Variants in CCDC141 observed in about 807,000 individuals in gnomAD.
CCDC141 encodes the protein coiled-coil domain-containing protein 141.
In CCDC141, 168 loss-of-function variants were observed where a neutral mutation model predicts 181.0. The ratio of observed to expected loss-of-function variants is 0.93; its 90% CI spans 0.82 to 1.05. The LOEUF (loss-of-function observed/expected upper bound fraction) is 1.05, where lower values mean the gene tolerates loss of function less well. Among genes scored for constraint, CCDC141 ranks in the 50% least tolerant of loss-of-function variants. The pLI is 0.00. For synonymous variants in CCDC141, 666 were observed against 642.3 expected, an observed-to-expected ratio of 1.04 and a Z score of -0.56; for missense variants, 1,902 against 1,788.5, an observed-to-expected ratio of 1.06 and a Z score of -1.14.
chr2:178,837,032 G>C lies in CCDC141; in HGVS notation c.4187C>G (p.Ser1396Ter). Residue 1396 changes from serine (S) to a stop codon, truncating the protein, a stop_gained, in exon 23 of 24, where the codon TCA becomes TGA. Coordinates refer to ENST00000443758, the MANE Select transcript of CCDC141 (RefSeq NM_173648.4). LOFTEE classifies it high-confidence loss of function. ...MVPREEIKST[S>*]AKSSVVSLAD... is the part of the protein sequence containing the mutation. The stretch of plus-strand genomic sequence containing the variant: ...TAGGCTGACCACGCTGCTCTTTGCT[G>C]ATGTGCTTTTAATCTCTTCTCGAGG... 1 of 1,614,006 alleles carries C rather than the reference G, an allele frequency of 6.2e-7. No individual in the cohort carries two copies. Among genetic ancestry groups the C allele is most frequent in the Non-Finnish European group, 8.5e-7 (1 of 1,179,966 alleles).
intron 17 of CCDC141, among the ~76,000 whole-genome samples, chr2:178,856,898 C>T (rs1685413595): frequency 6.6e-6 from 1 of 152,036 alleles, no homozygotes; most frequent in African/African-American, 2.4e-5. Flanking sequence ...GAGTGATTTT[C>T]ATTATAAAAC....
Position 179,049,345 on chromosome 2 carries a change from C to T in CCDC141, c.102+495G>A, listed in dbSNP as rs565236721. On this transcript the variant is annotated intron_variant, in intron 1 of 23. Transcript: ENST00000443758. ...AACCAGTGTGGCAAAGGGCACATGT[C>T]GGAGCCCTTTACTTGGTGTTTTCTG... Among the ~76,000 whole-genome samples, 15 of 152,228 alleles carry T rather than the reference C, an allele frequency of 9.9e-5. No individual in the cohort carries two copies. The South Asian group carries it at 2.3e-3, about 23-fold the overall frequency.
At chr2:178,899,650 A>G (rs939047407) in intron 8 of CCDC141, among the ~76,000 whole-genome samples, 6 of 151,918 alleles carry the variant, frequency 3.9e-5, no homozygotes, top group Admixed American at 2.0e-4. Flanking sequence ...GGTGTCTGGT[A>G]ATAGGAACCT....
At chr2:179,027,411 G>C (rs929534676) in intron 2 of CCDC141, among the ~76,000 whole-genome samples, 23 of 152,040 alleles carry the variant, frequency 1.5e-4, no homozygotes, top group African/African-American at 5.3e-4. Flanking sequence ...TTGGGAGGCT[G>C]AGGCGGGCGG....
At position 179,015,241 on chromosome 2, in the gene CCDC141, TCTC is replaced by T. The variant is rs2042436260; in HGVS notation, c.225+32040_225+32042del. On this transcript the variant is annotated intron_variant, in intron 2 of 23. Coordinates refer to ENST00000443758, the MANE Select transcript of CCDC141 (RefSeq NM_173648.4). ...ATCTCATATATACCTCATATATATA[TCTC>T]ATATATATCTCATATATATCATATA... is the stretch of plus-strand genomic sequence containing the variant. 8.4e-5 allele frequency among the ~76,000 whole-genome samples: 11 copies of T among 131,634 alleles called. No homozygotes were observed. The Admixed American group carries it at 8.7e-4, about 10-fold the overall frequency. The allele number at this position is 131,634 out of a possible 152,430, so 86.4% of individuals were successfully genotyped here.
At chr2:178,932,184 C>A (rs1226379741) in intron 6 of CCDC141, among the ~76,000 whole-genome samples, 2 of 152,030 alleles carry the variant, frequency 1.3e-5, no homozygotes, top group African/African-American at 4.8e-5. Context: ...AACAAAAAAA[C>A]ACACACACAT....
chr2:178,939,546 G>C (rs936089120), intron 6 of CCDC141, among the ~76,000 whole-genome samples: 1 of 152,010 alleles, frequency 6.6e-6, no homozygotes, highest in Non-Finnish European at 1.5e-5. Context: ...CAGTAAGAGA[G>C]AAAAAACAGG....
chr2:178,938,254 C>T (rs1689368331), intron 6 of CCDC141, among the ~76,000 whole-genome samples: 2 of 152,174 alleles, frequency 1.3e-5, no homozygotes, highest in Non-Finnish European at 2.9e-5. Flanking sequence ...TCCCTCTTCA[C>T]ACTGCCTTAG....
At chr2:178,871,223 C>T (rs1239628350) in intron 14 of CCDC141, among the ~76,000 whole-genome samples, 1 of 152,036 alleles carries the variant, frequency 6.6e-6, no homozygotes, top group Non-Finnish European at 1.5e-5. Context: ...CATTGTATAG[C>T]CCTAATGCTG....
At chr2:178,819,833 T>A in the CCDC141 span, among the ~76,000 whole-genome samples, 3 of 152,124 alleles carry the variant, frequency 2.0e-5, no homozygotes, top group East Asian at 5.8e-4. Context: ...ATTTTCCTCA[T>A]ATTTAAATAA....
At chr2:179,013,960 C>CAAAAAAAAAAAAA (rs59851189) in intron 2 of CCDC141, among the ~76,000 whole-genome samples, 6 of 46,858 alleles carry the variant, frequency 1.3e-4, no homozygotes, top group African/African-American at 6.0e-4. Flanking sequence ...GACTCCATCT[C>CAAAAAAAAAAAAA]AAAAAAAAAA....
chr2:178,943,206 A>T (rs946125774), intron 6 of CCDC141, among the ~76,000 whole-genome samples: 1 of 152,224 alleles, frequency 6.6e-6, no homozygotes, highest in African/African-American at 2.4e-5. Context: ...AGTTTGATAC[A>T]AACAGAATAA....
At chr2:178,903,568 G>A (rs931033936) in intron 8 of CCDC141, among the ~76,000 whole-genome samples, 1 of 128,336 alleles carries the variant, frequency 7.8e-6, no homozygotes, top group South Asian at 2.7e-4. Flanking sequence ...AGAACACATG[G>A]ACACAGGAAG....
At chr2:178,970,348 T>C (rs1254722880) in intron 4 of CCDC141, among the ~76,000 whole-genome samples, 1 of 152,162 alleles carries the variant, frequency 6.6e-6, no homozygotes, top group Non-Finnish European at 1.5e-5. Context: ...GCTGGAGGCA[T>C]CCCACTACCT....
chr2:178,913,637 C>A (rs967934785), intron 7 of CCDC141, among the ~76,000 whole-genome samples: 1 of 152,160 alleles, frequency 6.6e-6, no homozygotes, highest in African/African-American at 2.4e-5. Context: ...CTTGAAAAAG[C>A]AACATCATCT....
rs974496212 is a variant in CCDC141, at chr2:178,907,498, T to C, written c.1093-1997A>G. Among the ~76,000 whole-genome samples, 14 of 152,348 alleles carry C rather than the reference T, an allele frequency of 9.2e-5. No individual in the cohort carries two copies. The Middle Eastern group carries it at 0.01, about 111-fold the overall frequency. ...AAGGAGGGATTTTAAAACTTACTTTTTGTAAATATGTCTCTGCCTTTCCTT... is the reference window on the plus strand; with the variant it reads ...AAGGAGGGATTTTAAAACTTACTTTCTGTAAATATGTCTCTGCCTTTCCTT... On this transcript the variant is annotated intron_variant, in intron 7 of 23. Coordinates refer to ENST00000443758, the MANE Select transcript of CCDC141 (RefSeq NM_173648.4).
At chr2:178,932,518 T>A (rs925787213) in intron 6 of CCDC141, among the ~76,000 whole-genome samples, 4 of 152,148 alleles carry the variant, frequency 2.6e-5, no homozygotes, top group Non-Finnish European at 5.9e-5. Context: ...ACATTTAAAA[T>A]ATGTGTTAAA....
chr2:178,820,593 C>G, the CCDC141 span, among the ~76,000 whole-genome samples: 1 of 152,092 alleles, frequency 6.6e-6, no homozygotes. Context: ...AATTACTTTA[C>G]ATGCAATAAA....
At chr2:178,944,432 C>T in intron 6 of CCDC141, 103 bp downstream of exon 6, 1 of 477,408 alleles carries the variant, frequency 2.1e-6, no homozygotes, top group Non-Finnish European at 3.6e-6. Context: ...GTAGATTAAT[C>T]AAAGACAGTT....
Sources: gnomAD v4.1 joint callset for allele counts (sites outside exome capture counted in the v4.1 genomes callset) on GRCh38, gnomAD v4.1.1 for gene constraint, MANE v1.5 for transcripts, NCBI Gene and HGNC (gene_info 2026-07-23, HGNC 2026-07-21) for gene names.